PSPC1: variants seen among roughly 807,000 people sequenced by gnomAD.
PSPC1 encodes paraspeckle component 1, also known as paraspeckle protein 1.
A neutral mutation model predicts 51.6 loss-of-function variants in PSPC1; 14 were observed. The ratio of observed to expected loss-of-function variants is 0.27; its 90% CI spans 0.18 to 0.42. PSPC1 has a LOEUF of 0.42. PSPC1 is among the 10% of genes least tolerant of loss of function. The pLI, the probability that PSPC1 is intolerant of heterozygous loss-of-function variation, is 1.00. For synonymous variants in PSPC1, 193 were observed against 231.9 expected, an observed-to-expected ratio of 0.83 and a Z score of 1.53; for missense variants, 406 against 701.1, an observed-to-expected ratio of 0.58 and a Z score of 4.75.
chr13:19,706,418 G>A (rs1226418539), intron 7 of PSPC1, among the ~76,000 whole-genome samples: 1 of 149,250 alleles, frequency 6.7e-6, no homozygotes, highest in Non-Finnish European at 1.5e-5. Flanking sequence ...TTTGAAATAT[G>A]GACTCTAAAC....
chr13:19,713,378 GA>G (rs1168307287), intron 6 of PSPC1, among the ~76,000 whole-genome samples: 1 of 151,894 alleles, frequency 6.6e-6, no homozygotes, highest in Non-Finnish European at 1.5e-5. Context: ...TAGACATAAT[GA>G]AACTGAGGCA....
At chr13:19,725,322 C>T (rs1347888408) in intron 6 of PSPC1, among the ~76,000 whole-genome samples, 1 of 152,164 alleles carries the variant, frequency 6.6e-6, no homozygotes, top group Non-Finnish European at 1.5e-5. Flanking sequence ...CTCAGGAATC[C>T]TTGGATCTGG....
intron 2 of PSPC1, among the ~76,000 whole-genome samples, chr13:19,763,143 G>A (rs374307358): frequency 6.6e-5 from 10 of 151,646 alleles, no homozygotes; most frequent in African/African-American, 2.4e-4. Context: ...GTTTACCATA[G>A]GTATAATAAC....
chr13:19,770,179 A>T (rs1231897487), intron 2 of PSPC1, among the ~76,000 whole-genome samples: 1 of 152,194 alleles, frequency 6.6e-6, no homozygotes, highest in Non-Finnish European at 1.5e-5. Context: ...ACAGAAGAAT[A>T]CATACTATAT....
intron 1 of PSPC1, among the ~76,000 whole-genome samples, chr13:19,780,234 A>AG (rs1379822427): frequency 7.1e-6 from 1 of 141,568 alleles, no homozygotes; most frequent in African/African-American, 2.6e-5. Context: ...CCGGGAGGTG[A>AG]GGGGCGCCTC....
At chr13:19,681,364 T>C (rs971470576) in intron 6 of PSPC1, among the ~76,000 whole-genome samples, 5 of 152,018 alleles carry the variant, frequency 3.3e-5, no homozygotes, top group African/African-American at 1.2e-4. Flanking sequence ...CAAGATCTAC[T>C]ATTATTCATG....
Position 19,782,194 on chromosome 13 carries a change from C to G in PSPC1, c.372+192G>C, listed in dbSNP as rs995305562. Among the ~76,000 whole-genome samples, 1 of 152,184 alleles carries G rather than the reference C, an allele frequency of 6.6e-6. No homozygotes were observed. Among genetic ancestry groups the G allele is most frequent in the Non-Finnish European group, 1.5e-5 (1 of 68,030 alleles). ...ACTGTGAGCGCAGGAAATCCCGGGA[C>G]CGTGAACTCGAAACCAAAGGCGCCG... On this transcript the variant is annotated intron_variant, in intron 1 of 8. Transcript: ENST00000338910. This position sits in a 1 kb window ranked among gnomAD's most constrained non-coding sequence, Gnocchi z 4.5.
chr13:19,746,760 C>T (rs1481259722), intron 4 of PSPC1, among the ~76,000 whole-genome samples: 1 of 151,798 alleles, frequency 6.6e-6, no homozygotes. Context: ...AAATAATTAT[C>T]AGTAAAGTAT....
rs1555236489 is a variant in PSPC1 at position 19,730,966 on chromosome 13, A to AAAC, written c.1053-623_1053-622insGTT. ...TCTCAGAAAAAAAAAACAAAAAAAC[A>AAAC]AAAAAAAAAAAAACAGAAAAAGTCT... On this transcript the variant is annotated intron_variant, in intron 5 of 8. Transcript: ENST00000338910. Among the ~76,000 whole-genome samples the AAAC allele has an allele frequency of 0.012, 305 of 25,542 alleles. 4 individuals are homozygous for AAAC. In the South Asian group the frequency reaches 0.12, roughly 10 times the overall value. 16.8% of individuals were successfully genotyped at this position (25,542 alleles called of 152,430 possible). A position where few individuals can be genotyped will look rare whatever the true frequency, so the allele number is the denominator to read the frequency against.
chr13:19,721,838 T>G (rs548647358), intron 6 of PSPC1, among the ~76,000 whole-genome samples: 61 of 152,354 alleles, frequency 4.0e-4, no homozygotes, highest in Admixed American at 2.9e-3. Flanking sequence ...TTTCTTTGGC[T>G]GCTTTTAAAA....
intron 2 of PSPC1, among the ~76,000 whole-genome samples, chr13:19,765,462 T>C (rs991096981): frequency 7.4e-5 from 11 of 149,626 alleles, no homozygotes; most frequent in East Asian, 3.9e-4. Flanking sequence ...AATGACACAA[T>C]AGATCCATGT....
chr13:19,725,058 T>G (rs778328542), intron 6 of PSPC1, among the ~76,000 whole-genome samples: 2 of 151,948 alleles, frequency 1.3e-5, no homozygotes, highest in Non-Finnish European at 2.9e-5. Flanking sequence ...GTGCCTGTAA[T>G]CCCAGATACT....
At chr13:19,738,317 G>C (rs1036510504) in intron 5 of PSPC1, among the ~76,000 whole-genome samples, 3 of 152,008 alleles carry the variant, frequency 2.0e-5, no homozygotes, top group Non-Finnish European at 4.4e-5. Context: ...TCATACCTTG[G>C]TATGTGCAGG....
chr13:19,686,267 T>C lies in PSPC1; in HGVS notation c.1159-8444A>G, dbSNP rs561677954. ...TGCATTCTCAACAGAGCAATCTCCG[T>C]CCCAAGGGGGAGAAAATTACCTGGG... On this transcript the variant is annotated intron_variant and NMD_transcript_variant, in intron 6 of 7. Transcript: ENST00000471658. Among the ~76,000 whole-genome samples, 14 of 152,130 alleles carry C rather than the reference T, an allele frequency of 9.2e-5. No homozygotes were observed. The South Asian group carries it at 2.9e-3, about 32-fold the overall frequency.
At chr13:19,677,123 C>T (rs1216542267) in intron 7 of PSPC1, among the ~76,000 whole-genome samples, 1 of 151,748 alleles carries the variant, frequency 6.6e-6, no homozygotes, top group Non-Finnish European at 1.5e-5. Flanking sequence ...GTCCCAGCTA[C>T]TCGGGAGGCT....
Position 19,772,315 on chromosome 13 carries a change from C to T in PSPC1, c.601G>A (p.Val201Ile). The change falls in exon 2 of 9, where the codon GTA (valine) becomes ATA (isoleucine). Residue 201 changes from valine to isoleucine, a missense_variant. Around this residue, in one of 5 missense-constraint regions of PSPC1, gnomAD observed 180 missense variants for 337.9 expected, o/e 0.53. Coordinates refer to ENST00000338910, the MANE Select transcript of PSPC1 (RefSeq NM_001354909.2). ...GCAGGAGGTTTTGCTGCAAACTCTA[C>T]AAAACCTTTTCCTGTAGCTCTACCG... is the stretch of plus-strand genomic sequence containing the variant. ...DRGRATGKGF[V>I]EFAAKPPARK... 6.2e-7 allele frequency: 1 copy of T among 1,614,218 alleles called. No individual in the cohort carries two copies. Among genetic ancestry groups the T allele is most frequent in the South Asian group, 1.1e-5 (1 of 91,090 alleles).
intron 6 of PSPC1, among the ~76,000 whole-genome samples, chr13:19,721,085 T>C (rs1882715744): frequency 6.6e-6 from 1 of 152,146 alleles, no homozygotes; most frequent in Non-Finnish European, 1.5e-5. Context: ...TTTTAGATGA[T>C]ACTACAGAGA....
chr13:19,766,504 G>T (rs1233874658), intron 2 of PSPC1, among the ~76,000 whole-genome samples: 3 of 151,950 alleles, frequency 2.0e-5, no homozygotes, highest in Non-Finnish European at 4.4e-5. Flanking sequence ...GCCAGCCTGG[G>T]CCACATGGCG....
At chr13:19,766,382 TATCA>T (rs955384688) in intron 2 of PSPC1, among the ~76,000 whole-genome samples, 19 of 152,118 alleles carry the variant, frequency 1.2e-4, no homozygotes, top group South Asian at 2.1e-4. Context: ...CAAATCAATC[TATCA>T]ATCAATCAAT....
Sources: allele counts gnomAD v4.1 joint callset (sites outside exome capture counted in the v4.1 genomes callset), GRCh38; gene constraint gnomAD v4.1.1; regional missense constraint gnomAD v4.1.1; non-coding constraint Gnocchi (gnomAD v3.1); transcripts MANE v1.5; gene names NCBI Gene and HGNC (gene_info 2026-07-23, HGNC 2026-07-21).